The following YTHDC2 variants were observed in gnomAD, a reference collection of about 807,000 sequenced individuals.
The protein encoded by YTHDC2 is YTH N6-methyladenosine RNA binding protein C2.
Under a neutral mutation model 174.9 loss-of-function variants are expected in YTHDC2, and 45 were observed. The observed-to-expected ratio is 0.26, with a 90% CI of 0.20 to 0.33. The LOEUF (loss-of-function observed/expected upper bound fraction) is 0.33, where lower values mean the gene tolerates loss of function less well. Ranked by LOEUF, YTHDC2 falls within the 10% of genes least tolerant of loss-of-function variation. YTHDC2 has a pLI of 1.00. For synonymous variants in YTHDC2, 657 were observed against 574.5 expected (o/e 1.14, Z -2.05); for missense variants, 1,650 against 1,723.7 (o/e 0.96, Z 0.76).
At chr5:113,575,813 G>A (rs1778007098) in intron 23 of YTHDC2, among the ~76,000 whole-genome samples, 1 of 152,168 alleles carries the variant, frequency 6.6e-6, no homozygotes, top group Non-Finnish European at 1.5e-5. Flanking sequence ...ATAGAAGAGT[G>A]GAGGCAGGTA....
intron 3 of YTHDC2, 145 bp downstream of exon 3, chr5:113,525,322 A>T (rs1168242441): frequency 2.5e-6 from 2 of 806,772 alleles, no homozygotes; most frequent in African/African-American, 1.8e-5. Context: ...AGTTGTAAAA[A>T]TTTGAAACAA....
At chr5:113,562,883 A>G (rs548518295) in intron 18 of YTHDC2, among the ~76,000 whole-genome samples, 6 of 152,154 alleles carry the variant, frequency 3.9e-5, no homozygotes, top group Non-Finnish European at 7.3e-5. Flanking sequence ...TAAGTAGTTA[A>G]TTATATAATT....
chr5:113,522,996 G>A (rs1773983392), intron 2 of YTHDC2, among the ~76,000 whole-genome samples: 1 of 151,926 alleles, frequency 6.6e-6, no homozygotes, highest in African/African-American at 2.4e-5. Context: ...ATACCTAAAT[G>A]CTATATTAGG....
In YTHDC2 at chr5:113,535,033, A is replaced by G. The variant is rs1774957504; in HGVS notation, c.946-609A>G. Among the ~76,000 whole-genome samples the G allele has an allele frequency of 2.0e-5, 3 of 152,214 alleles. No individual in the cohort carries two copies. In the South Asian group the frequency reaches 6.2e-4, roughly 31 times the overall value. ...AGAAACGTATTTACATAGATTTTTT[A>G]TGTATTAAAAGCACATTAAATTGGA... On this transcript the variant is annotated intron_variant, in intron 6 of 29. Transcript: ENST00000161863.
intron 2 of YTHDC2, among the ~76,000 whole-genome samples, chr5:113,521,064 C>G (rs1313808541): frequency 1.3e-5 from 2 of 152,186 alleles, no homozygotes; most frequent in Non-Finnish European, 2.9e-5. Context: ...GCCTTCAGCT[C>G]CATCTGTGTT....
chr5:113,532,414 T>C (rs1774735927), intron 4 of YTHDC2, among the ~76,000 whole-genome samples: 1 of 152,200 alleles, frequency 6.6e-6, no homozygotes, highest in Non-Finnish European at 1.5e-5. Context: ...AAAAGGTATC[T>C]ACAATCCTGG....
chr5:113,546,744 T>A (rs1176868380), intron 10 of YTHDC2, among the ~76,000 whole-genome samples: 1 of 152,216 alleles, frequency 6.6e-6, no homozygotes, highest in Non-Finnish European at 1.5e-5. Flanking sequence ...AAGTCTCTCA[T>A]GAGGTTGCGG....
At chr5:113,544,948 C>G (rs1775754513) in intron 10 of YTHDC2, among the ~76,000 whole-genome samples, 1 of 151,914 alleles carries the variant, frequency 6.6e-6, no homozygotes, top group South Asian at 2.1e-4. Context: ...ATTTTTAGTT[C>G]TTTTTTTAAA....
At chr5:113,557,970 G>A (rs1024022108) in intron 17 of YTHDC2, among the ~76,000 whole-genome samples, 1 of 152,190 alleles carries the variant, frequency 6.6e-6, no homozygotes, top group Non-Finnish European at 1.5e-5. Flanking sequence ...TAGGGCAAAT[G>A]TTGCAGTCCA....
chr5:113,548,434 G>A, intron 10 of YTHDC2, 107 bp from the exon 11 acceptor site: 1 of 1,116,462 alleles, frequency 9.0e-7, no homozygotes, highest in South Asian at 1.7e-5. Context: ...CAACTCTCAG[G>A]CTAATTATCC....
chr5:113,528,263 G>A (rs2910017), intron 4 of YTHDC2, among the ~76,000 whole-genome samples: 12,223 of 151,938 alleles, frequency 0.08, 703 homozygotes, highest in Non-Finnish European at 0.11. Context: ...AATTTAATTC[G>A]TAAATATTAT....
intron 17 of YTHDC2, 142 bp from the exon 18 acceptor site, chr5:113,560,938 A>G: frequency 3.3e-6 from 2 of 611,154 alleles, no homozygotes; most frequent in African/African-American, 3.8e-5. Flanking sequence ...ATGATTGATA[A>G]GAGGATAAGA....
chr5:113,591,002 G>A (rs779341486), intron 26 of YTHDC2, 39 bp from the exon 27 acceptor site: 3 of 1,578,678 alleles, frequency 1.9e-6, no homozygotes, highest in African/African-American at 1.4e-5. Context: ...GTTTTGAAAG[G>A]TCAGGTTACC....
intron 25 of YTHDC2, chr5:113,584,047 G>A (rs544478314): frequency 2.2e-5 from 6 of 276,252 alleles, no homozygotes; most frequent in East Asian, 1.2e-4. Context: ...TTATTTAACA[G>A]ATAAGGAAAT....
intron 26 of YTHDC2, among the ~76,000 whole-genome samples, chr5:113,590,722 A>C (rs190881983): frequency 1.3e-5 from 2 of 152,288 alleles, no homozygotes; most frequent in East Asian, 3.9e-4. Flanking sequence ...TAAGCTGGAG[A>C]AGTATTTGTT....
intron 20 of YTHDC2, 148 bp from the exon 21 acceptor site, chr5:113,565,741 ATTAT>A (rs1189399820): frequency 3.0e-5 from 21 of 703,212 alleles, no homozygotes; most frequent in Non-Finnish European, 1.9e-5. Flanking sequence ...AATGATAAAT[ATTAT>A]TTGATCATAA....
intron 26 of YTHDC2, among the ~76,000 whole-genome samples, chr5:113,586,875 A>C (rs55803604): frequency 0.15 from 18,848 of 127,970 alleles, 1,932 homozygotes; most frequent in African/African-American, 0.26. Context: ...CTCTCTCTCT[A>C]TATATATATA....
At chr5:113,553,468 T>A in intron 13 of YTHDC2, 109 bp downstream of exon 13, 2 of 1,400,322 alleles carry the variant, frequency 1.4e-6, no homozygotes, top group African/African-American at 1.5e-5. Context: ...AAGTGAATAA[T>A]CTCCTGTCAT....
At chr5:113,579,771 T>G in intron 24 of YTHDC2, 76 bp downstream of exon 24, 1 of 1,391,072 alleles carries the variant, frequency 7.2e-7, no homozygotes, top group South Asian at 1.9e-5. Flanking sequence ...TGATAAAATT[T>G]TTTTCTTTAC....
Sources: gnomAD v4.1 joint callset for allele counts (sites outside exome capture counted in the v4.1 genomes callset) on GRCh38, gnomAD v4.1.1 for gene constraint, MANE v1.5 for transcripts, NCBI Gene and HGNC (gene_info 2026-07-23, HGNC 2026-07-21) for gene names.